The following SLC14A2 variants were observed in gnomAD, a reference collection of about 807,000 sequenced individuals.
SLC14A2 encodes solute carrier family 14 member 2, also known as urea transporter 2.
In SLC14A2, 91 loss-of-function variants were observed where a neutral mutation model predicts 104.6. The ratio of observed to expected loss-of-function variants is 0.87; its 90% CI spans 0.73 to 1.04. The LOEUF (loss-of-function observed/expected upper bound fraction) is 1.04, where lower values mean the gene tolerates loss of function less well. Ranked by LOEUF, SLC14A2 falls within the 50% of genes least tolerant of loss-of-function variation. The pLI is 0.00. For missense variants in SLC14A2, 1,189 were observed against 1,156.0 expected (o/e 1.03, Z -0.41); for synonymous variants, 476 against 466.4 (o/e 1.02, Z -0.27).
rs2045424914 is a variant in SLC14A2, at chr18:45,636,928, G to T, written c.651-62G>T. The T allele has an allele frequency of 2.2e-6, 3 of 1,367,312 alleles. No individual in the cohort carries two copies. The East Asian group carries it at 6.9e-5, about 31-fold the overall frequency. The allele number at this position is 1,367,312 out of a possible 1,614,324, so 84.7% of individuals were successfully genotyped here. ...AGTGGATGATACAGTGGCCAGAGCTGCTGAGACAATGTAGACCTCAGGATG... is the reference window on the plus strand; with the variant it reads ...AGTGGATGATACAGTGGCCAGAGCTTCTGAGACAATGTAGACCTCAGGATG... On this transcript the variant is annotated intron_variant, in intron 5 of 19. Coordinates refer to ENST00000255226, the MANE Select transcript of SLC14A2 (RefSeq NM_007163.4).
chr18:45,450,976 A>G (rs1447404466), intron 1 of SLC14A2, among the ~76,000 whole-genome samples: 1 of 152,198 alleles, frequency 6.6e-6, no homozygotes, highest in Non-Finnish European at 1.5e-5. Context: ...TGGCTCAACC[A>G]CTTCAAAGGA....
At position 45,679,213 on chromosome 18, in the gene SLC14A2, A is replaced by G. The variant is rs2046277063; in HGVS notation, c.2562+189A>G. Among the ~76,000 whole-genome samples the G allele has an allele frequency of 2.6e-5, 4 of 152,182 alleles. No homozygotes were observed. The South Asian group carries it at 8.3e-4, about 31-fold the overall frequency. On this transcript the variant is annotated intron_variant, in intron 19 of 19. Transcript: ENST00000255226. ...CCAGGCCCCAAAAGTTTACATTTCA[A>G]CTGTGGGCCAATCCATTCCTATCAT...
At chr18:45,453,962 C>T (rs923574193) in intron 1 of SLC14A2, among the ~76,000 whole-genome samples, 1 of 148,720 alleles carries the variant, frequency 6.7e-6, no homozygotes, top group Non-Finnish European at 1.5e-5. Context: ...CGGGTTCAAG[C>T]GATTCTTCTG....
chr18:45,474,819 A>C (rs2087326549), intron 1 of SLC14A2, among the ~76,000 whole-genome samples: 1 of 151,980 alleles, frequency 6.6e-6, no homozygotes, highest in Non-Finnish European at 1.5e-5. Context: ...TAATCTTTTC[A>C]AAAAACCAGC....
chr18:45,656,435 C>A (rs1370882280), intron 10 of SLC14A2, among the ~76,000 whole-genome samples: 1 of 152,180 alleles, frequency 6.6e-6, no homozygotes, highest in African/African-American at 2.4e-5. Flanking sequence ...GGAATTTGAG[C>A]ACAATATTCT....
chr18:45,365,661 C>T (rs968434959), intron 1 of SLC14A2, among the ~76,000 whole-genome samples: 4 of 152,150 alleles, frequency 2.6e-5, no homozygotes, highest in Non-Finnish European at 5.9e-5. Flanking sequence ...CCTCCCTGCT[C>T]GGTGCTCTTC....
At chr18:45,393,167 T>C (rs1005978306) in intron 1 of SLC14A2, among the ~76,000 whole-genome samples, 1 of 152,116 alleles carries the variant, frequency 6.6e-6, no homozygotes, top group African/African-American at 2.4e-5. Context: ...AAAAAGCTTA[T>C]CCCAAAGGAG....
intron 1 of SLC14A2, among the ~76,000 whole-genome samples, chr18:45,346,978 TAAAAATAA>T (rs1443627716): frequency 1.9e-5 from 2 of 104,844 alleles, no homozygotes; most frequent in African/African-American, 1.2e-4. Context: ...AAAATAAAAA[TAAAAATAA>T]ATAAATAAAT....
the SLC14A2 span, among the ~76,000 whole-genome samples, chr18:45,200,790 A>T: frequency 6.6e-6 from 1 of 152,162 alleles, no homozygotes; most frequent in Non-Finnish European, 1.5e-5. Context: ...TTTTATACTT[A>T]TAGAAATATT....
chr18:45,416,006 C>T (rs1324371774), intron 1 of SLC14A2, among the ~76,000 whole-genome samples: 2 of 152,114 alleles, frequency 1.3e-5, no homozygotes, highest in Admixed American at 1.3e-4. Context: ...AATTTCTAAC[C>T]ACCTCTTTTA....
intron 1 of SLC14A2, among the ~76,000 whole-genome samples, chr18:45,216,682 AC>A (rs1350397783): frequency 3.3e-5 from 5 of 151,982 alleles, no homozygotes; most frequent in Non-Finnish European, 7.4e-5. Context: ...TCTGAGAACC[AC>A]CTATTTGAGA....
At chr18:45,600,569 A>C (rs1331573016) in intron 2 of SLC14A2, among the ~76,000 whole-genome samples, 5 of 152,176 alleles carry the variant, frequency 3.3e-5, no homozygotes, top group Non-Finnish European at 7.3e-5. Context: ...TGCAAGGTAC[A>C]TGCACTCAAC....
chr18:45,334,087 T>C (rs1276557693), intron 1 of SLC14A2, among the ~76,000 whole-genome samples: 1 of 152,226 alleles, frequency 6.6e-6, no homozygotes, highest in African/African-American at 2.4e-5. Context: ...TTCAAAAGCC[T>C]GTGTTGCTTT....
chr18:45,648,063 T>C (rs928224523), intron 10 of SLC14A2: 1 of 152,140 alleles, frequency 6.6e-6, no homozygotes, highest in Non-Finnish European at 1.5e-5. Flanking sequence ...GTTTCATTAA[T>C]CTTTGCATTT....
intron 1 of SLC14A2, among the ~76,000 whole-genome samples, chr18:45,293,572 A>C (rs769438048): frequency 6.6e-6 from 1 of 151,708 alleles, no homozygotes; most frequent in East Asian, 1.9e-4. Context: ...GTGAGGGAAA[A>C]GTAGAATTGT....
intron 2 of SLC14A2, among the ~76,000 whole-genome samples, chr18:45,523,084 G>A (rs1040177948): frequency 4.6e-5 from 7 of 152,286 alleles, no homozygotes; most frequent in African/African-American, 1.7e-4. Flanking sequence ...GGTCACTGGT[G>A]GGGTGTGGGG....
chr18:45,349,855 A>G (rs1285878680), intron 1 of SLC14A2, among the ~76,000 whole-genome samples: 4 of 152,260 alleles, frequency 2.6e-5, no homozygotes, highest in Middle Eastern at 3.2e-3. Context: ...GCCATCTCCA[A>G]GGTTTTTACA....
At chr18:45,357,410 A>G (rs2085566191) in intron 1 of SLC14A2, among the ~76,000 whole-genome samples, 1 of 151,956 alleles carries the variant, frequency 6.6e-6, no homozygotes, top group Admixed American at 6.6e-5. Context: ...CAGGAGTTCA[A>G]GACTAGCCTG....
chr18:45,639,728 ATTCTG>A lies in SLC14A2; in HGVS notation c.844-15_844-11del. 2 of 1,612,766 alleles carry A rather than the reference ATTCTG, an allele frequency of 1.2e-6. No individual in the cohort carries two copies. Among genetic ancestry groups the A allele is most frequent in the Non-Finnish European group, 1.7e-6 (2 of 1,179,618 alleles). ...TATTGTCCATGCTCCAGTGACCTGT[ATTCTG>A]TTAACTTTGCAGCTGTTACAAGCCA... On this transcript the variant is annotated splice_polypyrimidine_tract_variant and intron_variant, in intron 6 of 19. Coordinates refer to ENST00000255226, the MANE Select transcript of SLC14A2 (RefSeq NM_007163.4).
Sources: allele counts gnomAD v4.1 joint callset (sites outside exome capture counted in the v4.1 genomes callset), GRCh38; gene constraint gnomAD v4.1.1; transcripts MANE v1.5; gene names NCBI Gene and HGNC (gene_info 2026-07-23, HGNC 2026-07-21).